Variants in NELL2 observed in about 807,000 individuals in gnomAD.
NELL2 encodes neural EGFL like 2, also known as protein kinase C-binding protein NELL2.
Under a neutral mutation model 109.6 loss-of-function variants are expected in NELL2, and 41 were observed. The observed-to-expected ratio is 0.37, with a 90% CI of 0.29 to 0.49. The LOEUF (loss-of-function observed/expected upper bound fraction) is 0.49, where lower values mean the gene tolerates loss of function less well. Among genes scored for constraint, NELL2 ranks in the 20% least tolerant of loss-of-function variants. The pLI, the probability that NELL2 is intolerant of heterozygous loss-of-function variation, is 0.98. For missense variants in NELL2, 900 were observed against 1,008.3 expected, an observed-to-expected ratio of 0.89 and a Z score of 1.45; for synonymous variants, 355 against 344.7, an observed-to-expected ratio of 1.03 and a Z score of -0.33.
At chr12:44,538,975 C>T (rs1270077838) in intron 15 of NELL2, among the ~76,000 whole-genome samples, 1 of 152,128 alleles carries the variant, frequency 6.6e-6, no homozygotes, top group Admixed American at 6.6e-5. Context: ...TTCTCATCCT[C>T]TCACCTGAGT....
At chr12:44,840,281 T>C (rs1156937841) in intron 2 of NELL2, among the ~76,000 whole-genome samples, 2 of 152,190 alleles carry the variant, frequency 1.3e-5, no homozygotes, top group Non-Finnish European at 2.9e-5. Context: ...TCTACAAGTT[T>C]AATGTATTGC....
chr12:44,801,800 C>A (rs1301895318), intron 3 of NELL2, among the ~76,000 whole-genome samples: 3 of 152,082 alleles, frequency 2.0e-5, no homozygotes, highest in Admixed American at 6.6e-5. Context: ...TACCACAAGA[C>A]CTGATATCAG....
At chr12:44,661,872 A>C (rs1947755663) in intron 13 of NELL2, among the ~76,000 whole-genome samples, 2 of 146,160 alleles carry the variant, frequency 1.4e-5, no homozygotes, top group African/African-American at 2.5e-5. Context: ...TCCCTTCCAT[A>C]TTTTTCTCTT....
intron 15 of NELL2, among the ~76,000 whole-genome samples, chr12:44,546,203 C>T (rs1019425316): frequency 3.3e-5 from 5 of 152,112 alleles, no homozygotes; most frequent in Admixed American, 3.3e-4. Flanking sequence ...TTGAGTGAAA[C>T]TGGCTCACTG....
chr12:44,897,658 C>T (rs1726964225), intron 1 of NELL2, among the ~76,000 whole-genome samples: 1 of 152,168 alleles, frequency 6.6e-6, no homozygotes. Flanking sequence ...CCTACACCAC[C>T]AGGGCCCTGG....
intron 13 of NELL2, among the ~76,000 whole-genome samples, chr12:44,658,876 C>CAAAAAAAAAAAAAAAAAAAAA (rs758903947): frequency 2.0e-5 from 2 of 97,616 alleles, no homozygotes; most frequent in Non-Finnish European, 3.9e-5. Flanking sequence ...GACTCTGTCT[C>CAAAAAAAAAAAAAAAAAAAAA]CAAAAAAAAA....
At chr12:44,910,143 A>G (rs1945763471) in intron 1 of NELL2, among the ~76,000 whole-genome samples, 1 of 152,098 alleles carries the variant, frequency 6.6e-6, no homozygotes, top group African/African-American at 2.4e-5. Flanking sequence ...GGACCTAATT[A>G]AAGATCTTCT....
At chr12:44,698,979 C>G (rs982757015) in intron 12 of NELL2, among the ~76,000 whole-genome samples, 1 of 152,084 alleles carries the variant, frequency 6.6e-6, no homozygotes, top group Non-Finnish European at 1.5e-5. Context: ...AAGCCACCAT[C>G]TAAAATAGAA....
intron 9 of NELL2, among the ~76,000 whole-genome samples, chr12:44,736,106 G>A (rs1412718506): frequency 2.0e-5 from 3 of 149,970 alleles, no homozygotes; most frequent in East Asian, 4.0e-4. Context: ...CGCCTCCCGG[G>A]TTCACGCCAT....
At chr12:44,704,404 G>A (rs1937738936) in intron 11 of NELL2, among the ~76,000 whole-genome samples, 1 of 152,110 alleles carries the variant, frequency 6.6e-6, no homozygotes, top group Admixed American at 6.5e-5. Context: ...GCAAGGCAAA[G>A]TATGCTCACT....
chr12:44,618,155 T>C (rs1258824832), intron 13 of NELL2, among the ~76,000 whole-genome samples: 7 of 152,200 alleles, frequency 4.6e-5, no homozygotes, highest in Non-Finnish European at 1.0e-4. Flanking sequence ...CCAGAAGTCA[T>C]ACTGTAAACT....
intron 2 of NELL2, among the ~76,000 whole-genome samples, chr12:44,847,449 T>A (rs900433984): frequency 5.9e-5 from 9 of 152,142 alleles, no homozygotes; most frequent in Non-Finnish European, 1.0e-4. Context: ...TATTTTCTTA[T>A]GTGTAACAGG....
chr12:44,769,448 A>G (rs1941460351), intron 9 of NELL2, among the ~76,000 whole-genome samples: 1 of 152,148 alleles, frequency 6.6e-6, no homozygotes, highest in African/African-American at 2.4e-5. Flanking sequence ...AATTAAAAAG[A>G]CTAAAAATGC....
intron 15 of NELL2, among the ~76,000 whole-genome samples, chr12:44,600,529 C>A (rs1047109899): frequency 2.6e-5 from 4 of 152,174 alleles, no homozygotes; most frequent in Non-Finnish European, 4.4e-5. Context: ...GATCAATAGA[C>A]GTTCATCAGC....
intron 2 of NELL2, among the ~76,000 whole-genome samples, chr12:44,829,858 A>T (rs1943832512): frequency 6.6e-6 from 1 of 152,200 alleles, no homozygotes; most frequent in Non-Finnish European, 1.5e-5. Context: ...AGTAACCATT[A>T]AGTGCAAAAG....
chr12:44,578,197 T>C (rs58044327), intron 15 of NELL2, among the ~76,000 whole-genome samples: 9,486 of 152,164 alleles, frequency 0.062, 942 homozygotes, highest in African/African-American at 0.22. Context: ...TTATTTTTTT[T>C]TTTACTAACT....
intron 9 of NELL2, among the ~76,000 whole-genome samples, chr12:44,728,898 A>C (rs934763885): frequency 1.3e-5 from 2 of 152,164 alleles, no homozygotes; most frequent in Admixed American, 6.5e-5. Flanking sequence ...TTCAAAAATT[A>C]GGAAAAAATA....
At position 44,619,917 on chromosome 12, in the gene NELL2, C is replaced by T. The variant is rs374414039; in HGVS notation, c.1445-8947G>A. Among the ~76,000 whole-genome samples the T allele has an allele frequency of 1.2e-4, 19 of 152,056 alleles. No individual in the cohort carries two copies. In the East Asian group the frequency reaches 2.7e-3, roughly 22 times the overall value. On this transcript the variant is annotated intron_variant, in intron 13 of 19. Transcript: ENST00000429094. ...CTTGAATAGAAGGTCTAAAGTATAA[C>T]GGAGAAAATGATGGAGAAAGAAGGG...
intron 9 of NELL2, among the ~76,000 whole-genome samples, chr12:44,754,958 A>G (rs1940818372): frequency 6.6e-6 from 1 of 152,084 alleles, no homozygotes; most frequent in African/African-American, 2.4e-5. Flanking sequence ...CTTTTCCCCC[A>G]CTTTGTGAAC....
Sources: allele counts gnomAD v4.1 joint callset (sites outside exome capture counted in the v4.1 genomes callset), GRCh38; gene constraint gnomAD v4.1.1; transcripts MANE v1.5; gene names NCBI Gene and HGNC (gene_info 2026-07-23, HGNC 2026-07-21).